Variants in WDFY2 observed in about 807,000 individuals in gnomAD.
WDFY2 encodes the protein WD repeat and FYVE domain containing 2, also known as WD repeat and FYVE domain-containing protein 2.
A neutral mutation model predicts 56.4 loss-of-function variants in WDFY2; 36 were observed. The observed-to-expected ratio is 0.64, with a 90% CI of 0.49 to 0.84. The LOEUF (loss-of-function observed/expected upper bound fraction) is 0.84, where lower values mean the gene tolerates loss of function less well. Among genes scored for constraint, WDFY2 ranks in the 40% least tolerant of loss-of-function variants. The pLI is 0.00. For missense variants in WDFY2, 444 were observed against 512.2 expected, an observed-to-expected ratio of 0.87 and a Z score of 1.29; for synonymous variants, 176 against 183.7, an observed-to-expected ratio of 0.96 and a Z score of 0.34.
intron 1 of WDFY2, among the ~76,000 whole-genome samples, chr13:51,640,739 A>G (rs1955139930): frequency 6.6e-6 from 1 of 151,702 alleles, no homozygotes; most frequent in Non-Finnish European, 1.5e-5. Flanking sequence ...CATCCCAGCT[A>G]CTCCTGAGGC....
intron 4 of WDFY2, among the ~76,000 whole-genome samples, chr13:51,715,530 C>T (rs1395996775): frequency 6.6e-6 from 1 of 152,150 alleles, no homozygotes; most frequent in Non-Finnish European, 1.5e-5. Context: ...GGACCTGTCA[C>T]CTCCTATCAT....
intron 1 of WDFY2, among the ~76,000 whole-genome samples, chr13:51,658,420 C>A (rs117711014): frequency 0.021 from 3,134 of 152,296 alleles, 64 homozygotes; most frequent in Non-Finnish European, 0.033. Flanking sequence ...ATCAAACACA[C>A]CCCCTACAAA....
intron 1 of WDFY2, among the ~76,000 whole-genome samples, chr13:51,649,692 T>G (rs1381795311): frequency 6.6e-6 from 1 of 151,914 alleles, no homozygotes. Flanking sequence ...TTTGGTTTTT[T>G]GTCCTTGCAA....
chr13:51,660,192 C>T (rs770958058), intron 1 of WDFY2, among the ~76,000 whole-genome samples: 7 of 151,506 alleles, frequency 4.6e-5, no homozygotes, highest in African/African-American at 7.3e-5. Context: ...AAGATATTCT[C>T]TCTCTCTCTT....
chr13:51,651,205 G>C (rs1465325089), intron 1 of WDFY2, among the ~76,000 whole-genome samples: 1 of 152,176 alleles, frequency 6.6e-6, no homozygotes, highest in African/African-American at 2.4e-5. Context: ...TTTGCATAGA[G>C]GTGTTTATAG....
intron 7 of WDFY2, among the ~76,000 whole-genome samples, chr13:51,748,934 T>C (rs900574363): frequency 2.6e-5 from 4 of 152,238 alleles, no homozygotes; most frequent in Admixed American, 6.5e-5. Flanking sequence ...GACACTTTAG[T>C]ATTGCCCTTT....
chr13:51,670,823 A>G (rs764306187), intron 2 of WDFY2, among the ~76,000 whole-genome samples: 14 of 152,012 alleles, frequency 9.2e-5, no homozygotes, highest in Non-Finnish European at 1.9e-4. Context: ...TCATGCCCCT[A>G]TCACCCGACC....
At chr13:51,654,782 C>CT (rs1443768751) in intron 1 of WDFY2, among the ~76,000 whole-genome samples, 3 of 151,910 alleles carry the variant, frequency 2.0e-5, no homozygotes, top group Admixed American at 6.6e-5. Flanking sequence ...GATGCAGAAC[C>CT]TTTTTTTTCT....
chr13:51,626,154 G>T (rs1398679059), intron 1 of WDFY2, among the ~76,000 whole-genome samples: 2 of 152,076 alleles, frequency 1.3e-5, no homozygotes, highest in East Asian at 1.9e-4. Flanking sequence ...AGGGAATGAG[G>T]CCCAAGCTTG....
chr13:51,705,798 T>C (rs1278725503), intron 4 of WDFY2, among the ~76,000 whole-genome samples: 1 of 152,198 alleles, frequency 6.6e-6, no homozygotes, highest in Non-Finnish European at 1.5e-5. Flanking sequence ...TTCAGTACTT[T>C]TGAAGCTGTT....
chr13:51,711,666 T>C (rs959947343), intron 4 of WDFY2, among the ~76,000 whole-genome samples: 1 of 152,224 alleles, frequency 6.6e-6, no homozygotes, highest in Non-Finnish European at 1.5e-5. Context: ...AAGACATTTA[T>C]GCAGCCAACA....
intron 10 of WDFY2, among the ~76,000 whole-genome samples, chr13:51,757,700 C>T (rs1464063841): frequency 6.6e-6 from 1 of 151,544 alleles, no homozygotes; most frequent in East Asian, 1.9e-4. Flanking sequence ...TTGCTTGTTA[C>T]AGCTTTAGAA....
In WDFY2 at chr13:51,719,322, G is replaced by T. The variant is rs1432293649; in HGVS notation, c.459G>T (p.Arg153=). 6.2e-7 allele frequency: 1 copy of T among 1,609,430 alleles called. No homozygotes were observed. Among genetic ancestry groups the T allele is most frequent in the South Asian group, 1.1e-5 (1 of 90,484 alleles). Reference sequence around the variant, plus strand: ...GTGGGCAGCGCCTGGGAGGTTATCGGACCAGTGCTGTGGCCTCAGGCCTGC... The same window carrying T: ...GTGGGCAGCGCCTGGGAGGTTATCGTACCAGTGCTGTGGCCTCAGGCCTGC... The part of the protein sequence containing the change: ...SESGQRLGGY[R]TSAVASGLQF... Residue 153 remains arginine (R), a synonymous_variant, in exon 5 of 12, where the codon CGG becomes CGT. Transcript: ENST00000298125.
At chr13:51,729,247 C>T (rs1445235113) in intron 6 of WDFY2, among the ~76,000 whole-genome samples, 1 of 151,982 alleles carries the variant, frequency 6.6e-6, no homozygotes, top group East Asian at 1.9e-4. Context: ...TGCACACTCA[C>T]GATTTCCTGT....
In WDFY2 at chr13:51,698,725, T is replaced by A. The variant is rs377323274; in HGVS notation, c.280-4871T>A. On this transcript the variant is annotated intron_variant, in intron 3 of 11. Coordinates refer to ENST00000298125, the MANE Select transcript of WDFY2 (RefSeq NM_052950.4). ...ATTGTATATAAGTACTTGAGTATAT[T>A]ACAGTTAAAATATTATTCCTTCCCA... Among the ~76,000 whole-genome samples the A allele has an allele frequency of 4.9e-3, 753 of 152,328 alleles. 5 individuals are homozygous for A. The highest frequency in any genetic ancestry group is 0.014 in the African/African-American group (591 of 41,570).
At chr13:51,619,490 T>C (rs1024068262) in intron 1 of WDFY2, among the ~76,000 whole-genome samples, 2 of 151,578 alleles carry the variant, frequency 1.3e-5, no homozygotes. Flanking sequence ...GATATTTCCA[T>C]CCCCTATTTA....
chr13:51,731,770 A>C (rs1441457719), intron 6 of WDFY2, among the ~76,000 whole-genome samples: 1 of 152,212 alleles, frequency 6.6e-6, no homozygotes, highest in Non-Finnish European at 1.5e-5. Flanking sequence ...AAGTTAACCC[A>C]GTTCCATTAA....
chr13:51,671,199 A>G (rs1955800961), intron 2 of WDFY2, among the ~76,000 whole-genome samples: 1 of 152,176 alleles, frequency 6.6e-6, no homozygotes, highest in Admixed American at 6.5e-5. Context: ...TGTTTTTCGT[A>G]TAATGACTTC....
intron 9 of WDFY2, among the ~76,000 whole-genome samples, chr13:51,755,790 T>C (rs1953362160): frequency 6.6e-6 from 1 of 152,204 alleles, no homozygotes; most frequent in Non-Finnish European, 1.5e-5. Context: ...TGTTTCTCTC[T>C]CCTTATTTTA....
Sources: allele counts gnomAD v4.1 joint callset (sites outside exome capture counted in the v4.1 genomes callset), GRCh38; gene constraint gnomAD v4.1.1; transcripts MANE v1.5; gene names NCBI Gene and HGNC (gene_info 2026-07-23, HGNC 2026-07-21).